The following DLGAP2 variants were observed in gnomAD, a reference collection of about 807,000 sequenced individuals.
The protein encoded by DLGAP2 is DLG associated protein 2.
DLGAP2 carries 26 observed loss-of-function variants against 100.3 expected under a neutral mutation model. The ratio of observed to expected loss-of-function variants is 0.26; its 90% confidence interval spans 0.19 to 0.36. The LOEUF (loss-of-function observed/expected upper bound fraction) is 0.36, where lower values mean the gene tolerates loss of function less well. Among genes scored for constraint, DLGAP2 ranks in the 10% least tolerant of loss-of-function variants. The pLI, the probability that DLGAP2 is intolerant of heterozygous loss-of-function variation, is 1.00. For missense variants in DLGAP2, 1,858 were observed against 1,453.2 expected, an observed-to-expected ratio of 1.28 and a Z score of -4.53; for synonymous variants, 886 against 630.1, an observed-to-expected ratio of 1.41 and a Z score of -6.08.
intron 3 of DLGAP2, among the ~76,000 whole-genome samples, chr8:1,323,643 C>A (rs1018519501): frequency 2.6e-5 from 4 of 152,206 alleles, no homozygotes; most frequent in African/African-American, 7.2e-5. Context: ...TGCCCCAATG[C>A]CCTGTGGCCT....
At position 1,060,001 on chromosome 8, in the gene DLGAP2, A is replaced by G. The variant is rs563536257; in HGVS notation, c.73+152035A>G. Among the ~76,000 whole-genome samples, 6 of 152,260 alleles carry G rather than the reference A, an allele frequency of 3.9e-5. No homozygotes were observed. In the South Asian group the frequency reaches 1.2e-3, roughly 32 times the overall value. On this transcript the variant is annotated intron_variant, in intron 2 of 14. Transcript: ENST00000637795. ...ATGGTAGCTGGGACGTCTTGACAGC[A>G]AGCAAGTGGTCGCTGGGATGGCTGG...
At chr8:1,602,689 A>G (rs1332109092) in intron 6 of DLGAP2, among the ~76,000 whole-genome samples, 4 of 152,212 alleles carry the variant, frequency 2.6e-5, no homozygotes, top group Non-Finnish European at 5.9e-5. Flanking sequence ...CAGGAGTGAC[A>G]GCAGTTTATT....
rs1197018401 is a variant in DLGAP2, at chr8:737,900, G to C, written c.18+75G>C. On this transcript the variant is annotated intron_variant, in intron 1 of 14. Transcript: ENST00000637795. ...CGTCGAGGCGGGGAGGGCGCGGTGT[G>C]TCGGACCCGCGGGGACGCCCCGAGG... The C allele has an allele frequency of 6.8e-5, 25 of 366,620 alleles. No homozygotes were observed. The East Asian group carries it at 9.9e-4, about 15-fold the overall frequency. The allele number at this position is 366,620 out of a possible 1,614,324, so 22.7% of individuals were successfully genotyped here. A position where few individuals can be genotyped will look rare whatever the true frequency, so the allele number is the denominator to read the frequency against.
chr8:1,284,754 G>C (rs1585222281), intron 3 of DLGAP2, among the ~76,000 whole-genome samples: 1 of 152,310 alleles, frequency 6.6e-6, no homozygotes, highest in Non-Finnish European at 1.5e-5. Flanking sequence ...TGGGACCACA[G>C]GCAGGTGCCA....
chr8:866,655 G>A (rs1390234363), intron 1 of DLGAP2, among the ~76,000 whole-genome samples: 5 of 152,208 alleles, frequency 3.3e-5, no homozygotes, highest in African/African-American at 1.2e-4. Flanking sequence ...TGCCACCTGT[G>A]ACGGCTCCTG....
intron 1 of DLGAP2, among the ~76,000 whole-genome samples, chr8:828,749 A>G (rs919584391): frequency 1.3e-5 from 2 of 152,224 alleles, no homozygotes; most frequent in Non-Finnish European, 2.9e-5. Flanking sequence ...ACTGCAGTAA[A>G]GACAGGCATA....
intron 2 of DLGAP2, among the ~76,000 whole-genome samples, chr8:1,090,953 T>G (rs942864501): frequency 3.9e-5 from 6 of 152,234 alleles, no homozygotes; most frequent in Non-Finnish European, 7.3e-5. Flanking sequence ...AACTGATTAC[T>G]TTGGAAGAAC....
intron 2 of DLGAP2, among the ~76,000 whole-genome samples, chr8:1,078,517 C>A (rs1585039677): frequency 6.6e-6 from 1 of 152,310 alleles, no homozygotes; most frequent in South Asian, 2.1e-4. Context: ...CAGCATCACA[C>A]AGAGGAGTTT....
At chr8:904,681 G>T (rs938283328) in intron 1 of DLGAP2, among the ~76,000 whole-genome samples, 1 of 152,176 alleles carries the variant, frequency 6.6e-6, no homozygotes, top group African/African-American at 2.4e-5. Context: ...GGGAACACAT[G>T]TCAGTGCTCG....
chr8:1,230,607 T>C (rs912158161), intron 2 of DLGAP2, among the ~76,000 whole-genome samples: 1 of 152,204 alleles, frequency 6.6e-6, no homozygotes, highest in African/African-American at 2.4e-5. Flanking sequence ...GACTTCAAAC[T>C]GTACTATAAA....
intron 1 of DLGAP2, among the ~76,000 whole-genome samples, chr8:905,093 T>C (rs1798348655): frequency 6.6e-6 from 1 of 152,168 alleles, no homozygotes; most frequent in Admixed American, 6.5e-5. Context: ...GAACACAGAT[T>C]GTCTGCCTTT....
intron 2 of DLGAP2, among the ~76,000 whole-genome samples, chr8:1,167,798 A>G (rs935563765): frequency 2.0e-5 from 3 of 152,094 alleles, no homozygotes; most frequent in African/African-American, 7.2e-5. Context: ...TACAAAGTCA[A>G]GTATAAAGTA....
At chr8:1,659,730 G>A (rs1395106763) in intron 8 of DLGAP2, among the ~76,000 whole-genome samples, 2 of 152,126 alleles carry the variant, frequency 1.3e-5, no homozygotes, top group African/African-American at 4.8e-5. Flanking sequence ...TTGAGCCTAT[G>A]TGTGTCTTTG....
intron 3 of DLGAP2, among the ~76,000 whole-genome samples, chr8:1,291,020 C>G (rs1800045749): frequency 1.3e-5 from 2 of 152,088 alleles, no homozygotes; most frequent in South Asian, 4.1e-4. Context: ...AAAAGGAGTT[C>G]TAAAGCTTGA....
At chr8:920,187 C>T (rs1250321039) in intron 2 of DLGAP2, among the ~76,000 whole-genome samples, 1 of 152,220 alleles carries the variant, frequency 6.6e-6, no homozygotes, top group African/African-American at 2.4e-5. Context: ...CAACAGGAAG[C>T]TTGTGAGAGA....
chr8:749,191 A>G (rs1224952211), intron 1 of DLGAP2, among the ~76,000 whole-genome samples: 1 of 152,144 alleles, frequency 6.6e-6, no homozygotes, highest in East Asian at 1.9e-4. Context: ...GGGTTTGGCT[A>G]TATTGCCCAG....
At chr8:1,056,484 C>G (rs1315323330) in intron 2 of DLGAP2, among the ~76,000 whole-genome samples, 1 of 152,158 alleles carries the variant, frequency 6.6e-6, no homozygotes, top group Non-Finnish European at 1.5e-5. Flanking sequence ...TTTCAAAGAG[C>G]CATTCTTTAG....
intron 1 of DLGAP2, among the ~76,000 whole-genome samples, chr8:768,400 C>A (rs1415178849): frequency 6.6e-6 from 1 of 150,994 alleles, no homozygotes; most frequent in African/African-American, 2.4e-5. Context: ...TCAGCATGAA[C>A]CAGGAGGGAA....
chr8:1,290,138 A>G (rs1048264939), intron 3 of DLGAP2, among the ~76,000 whole-genome samples: 10 of 152,218 alleles, frequency 6.6e-5, no homozygotes, highest in African/African-American at 2.4e-4. Flanking sequence ...CTCTGACTCT[A>G]TTACATAACG....
Sources: gnomAD v4.1 joint callset for allele counts (sites outside exome capture counted in the v4.1 genomes callset) on GRCh38, gnomAD v4.1.1 for gene constraint, MANE v1.5 for transcripts, NCBI Gene and HGNC (gene_info 2026-07-23, HGNC 2026-07-21) for gene names.